The following PFKFB2 variants were observed in gnomAD, a reference collection of about 807,000 sequenced individuals.
PFKFB2 encodes the protein 6-phosphofructo-2-kinase/fructose-2,6-bisphosphatase 2.
Under a neutral mutation model 68.0 loss-of-function variants are expected in PFKFB2, and 53 were observed. The observed-to-expected ratio is 0.78, with a 90% CI of 0.63 to 0.98. PFKFB2 has a LOEUF of 0.98. Ranked by LOEUF, PFKFB2 falls within the 50% of genes least tolerant of loss-of-function variation. The pLI is 0.00. For synonymous variants in PFKFB2, 222 were observed against 227.6 expected, an observed-to-expected ratio of 0.98 and a Z score of 0.22; for missense variants, 451 against 642.0, an observed-to-expected ratio of 0.70 and a Z score of 3.22.
In PFKFB2 at chr1:207,071,530, A is replaced by G; in HGVS notation, c.1307A>G (p.Lys436Arg). The change falls in exon 14 of 15, where the codon AAA becomes AGA. Residue 436 changes from lysine (K) to arginine (R), a missense_variant. Coordinates refer to ENST00000367080, the MANE Select transcript of PFKFB2 (RefSeq NM_006212.2). ...TCAGGGTGCAAAGTGGAAACAATTA[A>G]ACTTAACGTGGAGGCTGTGAACACG... is the stretch of plus-strand genomic sequence containing the variant. ...VAYGCKVETI[K>R]LNVEAVNTHR... 6.2e-7 allele frequency: 1 copy of G among 1,613,922 alleles called. No individual in the cohort carries two copies. The highest frequency in any genetic ancestry group is 8.5e-7 in the Non-Finnish European group (1 of 1,179,804).
chr1:207,070,543 G>A lies in PFKFB2; in HGVS notation c.1222+134G>A. The stretch of plus-strand genomic sequence containing the variant: ...GTACTTTCTCCAGACAGCAGTGTGG[G>A]GCTCCCAGCAGCCACTGAGTCAATG... On this transcript the variant is annotated intron_variant, in intron 12 of 14. Transcript: ENST00000367080. The surrounding 1 kb of genome is among the most constrained non-coding windows in gnomAD (Gnocchi z 4.2). The A allele has an allele frequency of 1.1e-6, 1 of 938,002 alleles. No individual in the cohort carries two copies. Among genetic ancestry groups the A allele is most frequent in the Non-Finnish European group, 1.6e-6 (1 of 642,330 alleles). The allele number at this position is 938,002 out of a possible 1,614,324, so 58.1% of individuals were successfully genotyped here. A position where few individuals can be genotyped will look rare whatever the true frequency, so the allele number is the denominator to read the frequency against.
chr1:207,080,401 G>A (rs1360604017), downstream of PFKFB2: 1 of 152,144 alleles, frequency 6.6e-6, no homozygotes, highest in Non-Finnish European at 1.5e-5. Flanking sequence ...CCTAAGATGT[G>A]ATAAGCTGGG....
upstream of PFKFB2, chr1:207,048,772 G>C (rs1465634167): frequency 8.7e-6 from 4 of 458,896 alleles, no homozygotes; most frequent in Non-Finnish European, 1.6e-5. Context: ...AGGTGGCAAG[G>C]ATCACCTATT....
Position 207,063,287 on chromosome 1 carries a change from G to A in PFKFB2, c.376-60G>A, listed in dbSNP as rs1256596520. The A allele has an allele frequency of 6.4e-7, 1 of 1,569,966 alleles. No individual in the cohort carries two copies. Among genetic ancestry groups the A allele is most frequent in the Non-Finnish European group, 8.8e-7 (1 of 1,139,674 alleles). Reference sequence around the variant, plus strand: ...GGCTACCCAGCCCCACCTTGAGTCTGCCCTGGTGGGGTTCTGTTTCTCTGT... The same window carrying A: ...GGCTACCCAGCCCCACCTTGAGTCTACCCTGGTGGGGTTCTGTTTCTCTGT... On this transcript the variant is annotated intron_variant, in intron 5 of 14. Transcript: ENST00000367080. This position sits in a 1 kb window ranked among gnomAD's most constrained non-coding sequence, Gnocchi z 4.1.
chr1:207,064,144 A>G (rs1192093580), intron 7 of PFKFB2, among the ~76,000 whole-genome samples: 2 of 151,998 alleles, frequency 1.3e-5, no homozygotes, highest in Non-Finnish European at 2.9e-5. Flanking sequence ...GGATGTTGAG[A>G]CCTAGATGTT....
chr1:207,046,841 A>C (rs2102323106), intron 2 of PFKFB2: 1 of 152,250 alleles, frequency 6.6e-6, no homozygotes, highest in African/African-American at 2.4e-5. Flanking sequence ...AACATATGAC[A>C]GAAACATATC....
In PFKFB2 at chr1:207,062,838, C is replaced by G; in HGVS notation, c.308+122C>G. On this transcript the variant is annotated intron_variant, in intron 4 of 14. Coordinates refer to ENST00000367080, the MANE Select transcript of PFKFB2 (RefSeq NM_006212.2). Reference sequence around the variant, plus strand: ...TAAGGGGAAGTTAAATGGAAGTTATCTGATGGGCAAGTGACCTTGGGCTTG... The same window carrying G: ...TAAGGGGAAGTTAAATGGAAGTTATGTGATGGGCAAGTGACCTTGGGCTTG... 5 of 988,356 alleles carry G rather than the reference C, an allele frequency of 5.1e-6. No individual in the cohort carries two copies. In the South Asian group the frequency reaches 6.1e-5, roughly 12 times the overall value. The allele number at this position is 988,356 out of a possible 1,614,324, so 61.2% of individuals were successfully genotyped here. A position where few individuals can be genotyped will look rare whatever the true frequency, so the allele number is the denominator to read the frequency against.
intron 9 of PFKFB2, among the ~76,000 whole-genome samples, chr1:207,067,942 A>G (rs577161934): frequency 2.0e-4 from 30 of 152,188 alleles, no homozygotes; most frequent in African/African-American, 7.2e-4. Flanking sequence ...ATTGGGCACA[A>G]CTTGTGTACT....
chr1:207,067,916 C>G (rs1683343456), intron 9 of PFKFB2, among the ~76,000 whole-genome samples: 1 of 152,168 alleles, frequency 6.6e-6, no homozygotes, highest in Non-Finnish European at 1.5e-5. Flanking sequence ...TGTGATCATT[C>G]AACCATCAGA....
chr1:207,042,560 A>C (rs1165925626), intron 2 of PFKFB2, among the ~76,000 whole-genome samples: 1 of 104,370 alleles, frequency 9.6e-6, no homozygotes, highest in Non-Finnish European at 2.0e-5. Flanking sequence ...AAAAAAAAAA[A>C]AAAAAAAAAA....
intron 8 of PFKFB2, among the ~76,000 whole-genome samples, chr1:207,065,858 T>C (rs1257765802): frequency 6.6e-6 from 1 of 152,194 alleles, no homozygotes; most frequent in Non-Finnish European, 1.5e-5. Context: ...TCTCCAGACA[T>C]GTCAGAGGTT....
rs1683163886 is a variant in PFKFB2, at chr1:207,063,034, G to A, written c.309-109G>A. 1.1e-6 allele frequency: 1 copy of A among 930,908 alleles called. No homozygotes were observed. Among genetic ancestry groups the A allele is most frequent in the East Asian group, 2.4e-5 (1 of 41,852 alleles). 57.7% of individuals were successfully genotyped at this position (930,908 alleles called of 1,614,324 possible). Reference sequence around the variant, plus strand: ...TCTAGTTAGAGAAAGGTTTTGAACAGTGGGAAACTAAGTGGGCAGGGATGT... The same window carrying A: ...TCTAGTTAGAGAAAGGTTTTGAACAATGGGAAACTAAGTGGGCAGGGATGT... On this transcript the variant is annotated intron_variant, in intron 4 of 14. Coordinates refer to ENST00000367080, the MANE Select transcript of PFKFB2 (RefSeq NM_006212.2). This position sits in a 1 kb window ranked among gnomAD's most constrained non-coding sequence, Gnocchi z 4.1.
At chr1:207,041,219 C>T (rs1252829241) in intron 1 of PFKFB2, among the ~76,000 whole-genome samples, 8 of 151,590 alleles carry the variant, frequency 5.3e-5, no homozygotes, top group Non-Finnish European at 7.4e-5. Context: ...TGAGCCACCG[C>T]GCCTGGCCAG....
At chr1:207,066,327 T>G (rs1179504326) in intron 8 of PFKFB2, among the ~76,000 whole-genome samples, 1 of 152,212 alleles carries the variant, frequency 6.6e-6, no homozygotes, top group Non-Finnish European at 1.5e-5. Flanking sequence ...AACAGCTCTA[T>G]TCACATAATA....
intron 2 of PFKFB2, among the ~76,000 whole-genome samples, chr1:207,059,558 A>G (rs1387992284): frequency 1.3e-5 from 2 of 152,184 alleles, no homozygotes; most frequent in Non-Finnish European, 2.9e-5. Flanking sequence ...ATTTGAACAC[A>G]GATGAAAATC....
Position 207,074,698 on chromosome 1 carries a change from A to C in PFKFB2, c.*2327A>C. 2.0e-6 allele frequency: 2 copies of C among 985,454 alleles called. No individual in the cohort carries two copies. The highest frequency in any genetic ancestry group is 2.4e-6 in the Non-Finnish European group (2 of 829,928). The allele number at this position is 985,454 out of a possible 1,614,324, so 61.0% of individuals were successfully genotyped here. A position where few individuals can be genotyped will look rare whatever the true frequency, so the allele number is the denominator to read the frequency against. ...TGTGGAGCTTTGGGCTGGTAGGGGCAGGGATAGGGGAAAGCTAAACAGAAG... is the reference window on the plus strand; with the variant it reads ...TGTGGAGCTTTGGGCTGGTAGGGGCCGGGATAGGGGAAAGCTAAACAGAAG... On this transcript the variant is annotated 3_prime_UTR_variant, in exon 15 of 15. Coordinates refer to ENST00000367080, the MANE Select transcript of PFKFB2 (RefSeq NM_006212.2).
upstream of PFKFB2, chr1:207,049,064 C>T (rs764673837): frequency 3.1e-6 from 5 of 1,613,920 alleles, no homozygotes; most frequent in Non-Finnish European, 4.2e-6. Context: ...TTGGCATGTT[C>T]CCTTGCTTCT....
At chr1:207,067,456 ATCT>A in intron 8 of PFKFB2, 40 bp from the exon 9 acceptor site, 1 of 1,392,198 alleles carries the variant, frequency 7.2e-7, no homozygotes, top group South Asian at 1.2e-5. Flanking sequence ...TTATTCTCAG[ATCT>A]TCTTACCTAG....
rs1010844945 is a variant in PFKFB2, at chr1:207,063,073, A to G, written c.309-70A>G. On this transcript the variant is annotated intron_variant, in intron 4 of 14. Transcript: ENST00000367080. This position sits in a 1 kb window ranked among gnomAD's most constrained non-coding sequence, Gnocchi z 4.1. ...GGGCAGGGATGTGACTTCTGTAGCCACCCGAATGTTTGTGTCTCTGACTGT... is the reference window on the plus strand; with the variant it reads ...GGGCAGGGATGTGACTTCTGTAGCCGCCCGAATGTTTGTGTCTCTGACTGT... The G allele has an allele frequency of 1.0e-5, 13 of 1,291,028 alleles. No individual in the cohort carries two copies. The highest frequency in any genetic ancestry group is 1.4e-5 in the Non-Finnish European group (12 of 887,358). 80.0% of individuals were successfully genotyped at this position (1,291,028 alleles called of 1,614,324 possible). A position where few individuals can be genotyped will look rare whatever the true frequency, so the allele number is the denominator to read the frequency against.
Sources: gnomAD v4.1 joint callset for allele counts (sites outside exome capture counted in the v4.1 genomes callset) on GRCh38, gnomAD v4.1.1 for gene constraint, Gnocchi (gnomAD v3.1) non-coding constraint, MANE v1.5 for transcripts, NCBI Gene and HGNC (gene_info 2026-07-23, HGNC 2026-07-21) for gene names.